The following UBE3D variants were observed in gnomAD, a reference collection of about 807,000 sequenced individuals.
The protein encoded by UBE3D is ubiquitin protein ligase E3D.
A neutral mutation model predicts 49.6 loss-of-function variants in UBE3D; 48 were observed. The observed-to-expected ratio is 0.97, with a 90% CI of 0.77 to 1.23. The LOEUF (loss-of-function observed/expected upper bound fraction) is 1.23, where lower values mean the gene tolerates loss of function less well. Among genes scored for constraint, UBE3D ranks in the 50% most tolerant of loss-of-function variants. The pLI, the probability that UBE3D is intolerant of heterozygous loss-of-function variation, is 0.00. For missense variants in UBE3D, 452 were observed against 468.4 expected (o/e 0.96, Z 0.32); for synonymous variants, 189 against 174.2 (o/e 1.08, Z -0.67).
At chr6:82,976,141 GAAAC>G (rs1331428202) in intron 8 of UBE3D, among the ~76,000 whole-genome samples, 2 of 152,214 alleles carry the variant, frequency 1.3e-5, no homozygotes, top group African/African-American at 4.8e-5. Flanking sequence ...GCACTTGGCA[GAAAC>G]AAACCGGGGA....
intron 8 of UBE3D, among the ~76,000 whole-genome samples, chr6:83,008,798 G>T (rs1482740415): frequency 1.3e-5 from 2 of 152,124 alleles, no homozygotes; most frequent in African/African-American, 4.8e-5. Flanking sequence ...AGACACTAAT[G>T]TCCTTAAATG....
chr6:82,888,955 TTACAATG>T (rs1370232303), downstream of UBE3D, among the ~76,000 whole-genome samples: 1 of 152,218 alleles, frequency 6.6e-6, no homozygotes, highest in East Asian at 1.9e-4. Flanking sequence ...CAAATATATC[TTACAATG>T]TACAATGTAT....
chr6:82,897,183 T>A (rs1771390633), intron 9 of UBE3D, among the ~76,000 whole-genome samples: 1 of 152,148 alleles, frequency 6.6e-6, no homozygotes, highest in African/African-American at 2.4e-5. Flanking sequence ...CACAAAACTT[T>A]CCTTTAGATA....
At chr6:83,063,412 T>TAAA (rs201669450) in intron 1 of UBE3D, among the ~76,000 whole-genome samples, 3 of 45,470 alleles carry the variant, frequency 6.6e-5, no homozygotes, top group African/African-American at 1.8e-4. Flanking sequence ...AGACGCTGTC[T>TAAA]AAAAAAAAAA....
At chr6:83,014,320 T>C (rs960243572) in intron 8 of UBE3D, among the ~76,000 whole-genome samples, 5 of 152,222 alleles carry the variant, frequency 3.3e-5, no homozygotes, top group Admixed American at 2.6e-4. Context: ...AATATTAGTT[T>C]TGATTTACTA....
intron 5 of UBE3D, among the ~76,000 whole-genome samples, chr6:83,031,790 G>T (rs1388454939): frequency 6.6e-6 from 1 of 152,210 alleles, no homozygotes; most frequent in Non-Finnish European, 1.5e-5. Context: ...GCAGCCTAGG[G>T]ACTTGGTGCT....
intron 8 of UBE3D, among the ~76,000 whole-genome samples, chr6:83,016,099 T>C (rs1286488087): frequency 1.3e-5 from 2 of 152,170 alleles, no homozygotes; most frequent in Non-Finnish European, 2.9e-5. Flanking sequence ...TAAAAGCTTT[T>C]GTCTGATTTT....
intron 9 of UBE3D, among the ~76,000 whole-genome samples, chr6:82,929,654 T>C (rs1774001608): frequency 6.6e-6 from 1 of 152,118 alleles, no homozygotes; most frequent in Admixed American, 6.5e-5. Flanking sequence ...CTTTCTTCTT[T>C]TCTCCTTCTT....
chr6:82,902,465 C>T (rs1170996412), intron 9 of UBE3D, among the ~76,000 whole-genome samples: 1 of 152,160 alleles, frequency 6.6e-6, no homozygotes, highest in Non-Finnish European at 1.5e-5. Flanking sequence ...ACTATCAATA[C>T]ACATGACTCG....
At chr6:82,959,271 G>T (rs1776379750) in intron 8 of UBE3D, among the ~76,000 whole-genome samples, 1 of 149,082 alleles carries the variant, frequency 6.7e-6, no homozygotes, top group Non-Finnish European at 1.5e-5. Flanking sequence ...CATAAGTCTT[G>T]GCCTAAACTG....
At chr6:82,908,895 G>A (rs77381694) in intron 9 of UBE3D, among the ~76,000 whole-genome samples, 17,295 of 152,126 alleles carry the variant, frequency 0.11, 1,243 homozygotes, top group Admixed American at 0.25. Flanking sequence ...AAGCAGTGTG[G>A]GACTGGAGCA....
chr6:82,931,617 G>A (rs886932199), intron 9 of UBE3D, among the ~76,000 whole-genome samples: 2 of 152,208 alleles, frequency 1.3e-5, no homozygotes, highest in Non-Finnish European at 2.9e-5. Context: ...TTTAATAAAT[G>A]CCCTATTGGA....
At chr6:82,989,051 T>C (rs2149537) in intron 8 of UBE3D, among the ~76,000 whole-genome samples, 103,363 of 151,662 alleles carry the variant, frequency 0.68, 35,922 homozygotes, top group East Asian at 0.82. Flanking sequence ...TTCAAAATAA[T>C]GTATGTGTCA....
chr6:82,923,056 A>G (rs1330168380), intron 9 of UBE3D, among the ~76,000 whole-genome samples: 1 of 152,216 alleles, frequency 6.6e-6, no homozygotes, highest in African/African-American at 2.4e-5. Flanking sequence ...AAGTCAGGAA[A>G]TAACAAATGC....
chr6:82,927,620 G>A (rs1300678646), intron 9 of UBE3D, among the ~76,000 whole-genome samples: 1 of 151,904 alleles, frequency 6.6e-6, no homozygotes, highest in Non-Finnish European at 1.5e-5. Flanking sequence ...CACATTTGGG[G>A]GGCTAATGTA....
chr6:82,965,598 A>G (rs1364039469), intron 8 of UBE3D, among the ~76,000 whole-genome samples: 1 of 151,584 alleles, frequency 6.6e-6, no homozygotes, highest in East Asian at 1.9e-4. Context: ...AAAAAAAAAA[A>G]AAAAAGAAGA....
intron 9 of UBE3D, among the ~76,000 whole-genome samples, chr6:82,919,084 A>G (rs771323500): frequency 2.0e-5 from 3 of 151,946 alleles, no homozygotes; most frequent in Non-Finnish European, 2.9e-5. Context: ...GAGAGTGTCC[A>G]CTTTCTTCCT....
At chr6:82,975,513 T>A (rs2127712131) in intron 8 of UBE3D, among the ~76,000 whole-genome samples, 1 of 152,264 alleles carries the variant, frequency 6.6e-6, no homozygotes, top group Non-Finnish European at 1.5e-5. Context: ...CTTCAATTTT[T>A]TCTTGTATTG....
intron 9 of UBE3D, among the ~76,000 whole-genome samples, chr6:82,904,975 C>T (rs971213872): frequency 1.3e-5 from 2 of 152,010 alleles, no homozygotes; most frequent in East Asian, 1.9e-4. Flanking sequence ...GTGTAGGGGG[C>T]GTCTAAAGGT....
Sources: allele counts gnomAD v4.1 joint callset (sites outside exome capture counted in the v4.1 genomes callset), GRCh38; gene constraint gnomAD v4.1.1; transcripts MANE v1.5; gene names NCBI Gene and HGNC (gene_info 2026-07-23, HGNC 2026-07-21).